The following DEPTOR variants were observed in gnomAD, a reference collection of about 807,000 sequenced individuals.
DEPTOR encodes DEP domain-containing mTOR-interacting protein.
A neutral mutation model predicts 41.6 loss-of-function variants in DEPTOR; 41 were observed. The observed-to-expected ratio is 0.98, with a 90% CI of 0.77 to 1.28. The LOEUF is 1.28. DEPTOR is among the 50% of genes most tolerant of loss of function. The pLI is 0.00. For synonymous variants in DEPTOR, 195 were observed against 192.3 expected (o/e 1.01, Z -0.12); for missense variants, 514 against 527.9 (o/e 0.97, Z 0.26).
chr8:119,960,813 G>A (rs1436229486), intron 3 of DEPTOR, among the ~76,000 whole-genome samples: 9 of 151,952 alleles, frequency 5.9e-5, no homozygotes, highest in East Asian at 1.9e-4. Context: ...ATGAAACCCC[G>A]TCTCTACTAA....
chr8:119,927,110 T>C (rs759302749), intron 1 of DEPTOR, among the ~76,000 whole-genome samples: 5 of 152,058 alleles, frequency 3.3e-5, no homozygotes, highest in Non-Finnish European at 5.9e-5. Context: ...GGACAACATA[T>C]GCATATCACA....
intron 3 of DEPTOR, among the ~76,000 whole-genome samples, chr8:119,957,648 G>C (rs1455349090): frequency 1.3e-5 from 2 of 150,654 alleles, no homozygotes; most frequent in Non-Finnish European, 2.9e-5. Flanking sequence ...GAGTGCAATG[G>C]TGCAATCTTG....
At chr8:120,044,855 T>G (rs1301077649) in intron 8 of DEPTOR, among the ~76,000 whole-genome samples, 1 of 152,240 alleles carries the variant, frequency 6.6e-6, no homozygotes, top group East Asian at 1.9e-4. Context: ...CCTGTGATAC[T>G]CTGCCTCCTA....
chr8:119,974,892 C>G (rs1828678697), intron 4 of DEPTOR, among the ~76,000 whole-genome samples: 1 of 151,830 alleles, frequency 6.6e-6, no homozygotes, highest in Admixed American at 6.6e-5. Flanking sequence ...AGACCTTATA[C>G]AAATGTATGG....
chr8:119,910,316 A>AAAG (rs35132985), intron 1 of DEPTOR, among the ~76,000 whole-genome samples: 75,560 of 151,892 alleles, frequency 0.5, 20,490 homozygotes, highest in East Asian at 0.92. Flanking sequence ...CAGACATAGA[A>AAAG]AAGATTTTCC....
At chr8:119,991,038 CTT>C (rs773148386) in intron 4 of DEPTOR, among the ~76,000 whole-genome samples, 3 of 13,810 alleles carry the variant, frequency 2.2e-4, no homozygotes, top group Admixed American at 1.1e-3. Flanking sequence ...TCTTTTCTTT[CTT>C]TCTTTCTTTC....
intron 3 of DEPTOR, among the ~76,000 whole-genome samples, chr8:119,946,525 G>T (rs190646370): frequency 1.2e-3 from 181 of 151,602 alleles, no homozygotes; most frequent in African/African-American, 4.1e-3. Flanking sequence ...TAGATCACTG[G>T]AGATCAGGAG....
At chr8:119,968,293 TAAG>T (rs144085739) in intron 4 of DEPTOR, among the ~76,000 whole-genome samples, 5,436 of 152,236 alleles carry the variant, frequency 0.036, 104 homozygotes, top group African/African-American at 0.052. Context: ...TGTATTGTGA[TAAG>T]AACATTAATA....
intron 4 of DEPTOR, among the ~76,000 whole-genome samples, chr8:119,977,825 T>C: frequency 6.6e-6 from 1 of 151,970 alleles, no homozygotes. Context: ...TCTTTCTCTC[T>C]CTCTTTTTTT....
At chr8:119,875,375 G>A (rs1827218664) in intron 1 of DEPTOR, among the ~76,000 whole-genome samples, 1 of 152,134 alleles carries the variant, frequency 6.6e-6, no homozygotes, top group African/African-American at 2.4e-5. Flanking sequence ...CCAAGAAGGC[G>A]GGGGTGACTT....
intron 8 of DEPTOR, among the ~76,000 whole-genome samples, chr8:120,032,211 CTTTTTTT>C (rs60003356): frequency 1.6e-4 from 19 of 120,908 alleles, no homozygotes; most frequent in South Asian, 1.3e-3. Context: ...CACTAACTTT[CTTTTTTT>C]TTTTTTTTTT....
At chr8:119,926,953 C>G (rs1019467199) in intron 1 of DEPTOR, among the ~76,000 whole-genome samples, 1 of 152,056 alleles carries the variant, frequency 6.6e-6, no homozygotes, top group African/African-American at 2.4e-5. Context: ...TCATAAATTC[C>G]ATGCCCAAAA....
intron 8 of DEPTOR, among the ~76,000 whole-genome samples, chr8:120,045,464 G>A (rs1294773813): frequency 6.6e-6 from 1 of 152,122 alleles, no homozygotes; most frequent in Non-Finnish European, 1.5e-5. Flanking sequence ...TCAACCGCCT[G>A]GGTTGAAGCG....
Position 119,882,238 on chromosome 8 carries a change from C to G in DEPTOR, c.122+8270C>G, listed in dbSNP as rs150602649. The stretch of plus-strand genomic sequence containing the variant: ...CCATTGCTGATATAAGTTATGGCTT[C>G]CATCAGCTTTGGAATCAATAAAACT... On this transcript the variant is annotated intron_variant, in intron 1 of 8. Transcript: ENST00000286234. 2.6e-3 allele frequency among the ~76,000 whole-genome samples: 400 copies of G among 152,090 alleles called. 2 individuals are homozygous for G. The highest frequency in any genetic ancestry group is 1.9e-3 in the Non-Finnish European group (126 of 68,012).
intron 3 of DEPTOR, among the ~76,000 whole-genome samples, chr8:119,935,609 T>C (rs1261361981): frequency 6.6e-6 from 1 of 151,568 alleles, no homozygotes; most frequent in Non-Finnish European, 1.5e-5. Flanking sequence ...TAATCCCAGC[T>C]ACTCAGGAGG....
chr8:119,987,428 A>T (rs1333864441), intron 4 of DEPTOR, among the ~76,000 whole-genome samples: 1 of 152,176 alleles, frequency 6.6e-6, no homozygotes, highest in Non-Finnish European at 1.5e-5. Flanking sequence ...GGCACCTGCC[A>T]GATGCCAACC....
At chr8:119,924,352 C>T (rs1488797943) in intron 1 of DEPTOR, among the ~76,000 whole-genome samples, 2 of 146,220 alleles carry the variant, frequency 1.4e-5, no homozygotes, top group Non-Finnish European at 3.0e-5. Flanking sequence ...CTATCTTTCC[C>T]CAACAGCCAT....
chr8:120,048,690 G>T (rs1813188453), intron 8 of DEPTOR, among the ~76,000 whole-genome samples: 1 of 151,892 alleles, frequency 6.6e-6, no homozygotes, highest in African/African-American at 2.4e-5. Flanking sequence ...GAAAGAAGTG[G>T]GTATTTTTTG....
At chr8:119,875,316 T>A (rs1186666186) in intron 1 of DEPTOR, among the ~76,000 whole-genome samples, 1 of 152,038 alleles carries the variant, frequency 6.6e-6, no homozygotes, top group East Asian at 1.9e-4. Context: ...GGTTGTTTTA[T>A]AGGAGTTGGG....
Sources: allele counts gnomAD v4.1 joint callset (sites outside exome capture counted in the v4.1 genomes callset), GRCh38; gene constraint gnomAD v4.1.1; transcripts MANE v1.5; gene names NCBI Gene and HGNC (gene_info 2026-07-23, HGNC 2026-07-21).